The following SPATA33 variants were observed in gnomAD, a reference collection of about 807,000 sequenced individuals.
SPATA33 encodes spermatogenesis associated 33, also known as spermatogenesis-associated protein 33.
Under a neutral mutation model 8.9 loss-of-function variants are expected in SPATA33, and 10 were observed. The ratio of observed to expected loss-of-function variants is 1.12; its 90% CI spans 0.69 to 1.90. SPATA33 has a LOEUF of 1.90. SPATA33 is among the 40% of genes most tolerant of loss of function. The pLI, the probability that SPATA33 is intolerant of heterozygous loss-of-function variation, is 0.00. For missense variants in SPATA33, 241 were observed against 178.3 expected, an observed-to-expected ratio of 1.35 and a Z score of -2.00; for synonymous variants, 96 against 72.8, an observed-to-expected ratio of 1.32 and a Z score of -1.63.
chr16:89,668,005 G>A (rs2060049391), intron 2 of SPATA33: 1 of 152,280 alleles, frequency 6.6e-6, no homozygotes, highest in African/African-American at 2.4e-5. Context: ...CTCAGAACAG[G>A]CACGCGATAA....
intron 2 of SPATA33, among the ~76,000 whole-genome samples, chr16:89,663,132 A>C (rs374172543): frequency 6.6e-6 from 1 of 152,028 alleles, no homozygotes; most frequent in East Asian, 1.9e-4. Context: ...TAATTGCAAG[A>C]AAATTTTGAA....
Position 89,670,112 on chromosome 16 carries a change from C to G in SPATA33, c.*615C>G, listed in dbSNP as rs7197444. The G allele has an allele frequency of 0.016, 2,421 of 147,022 alleles. 42 individuals are homozygous for G. The highest frequency in any genetic ancestry group is 0.048 in the African/African-American group (1,820 of 38,122). 9.1% of individuals were successfully genotyped at this position (147,022 alleles called of 1,614,324 possible). A position where few individuals can be genotyped will look rare whatever the true frequency, so the allele number is the denominator to read the frequency against. On this transcript the variant is annotated 3_prime_UTR_variant, in exon 3 of 3. Transcript: ENST00000579310. ...TGCTTTCGGGGAGGGTACACCAGGC[C>G]CGCCCCACCCTGTGAGAAGCCGTGG...
At chr16:89,666,816 G>C (rs898892057) in intron 2 of SPATA33, among the ~76,000 whole-genome samples, 1 of 152,294 alleles carries the variant, frequency 6.6e-6, no homozygotes, top group South Asian at 2.1e-4. Context: ...CTGCCTGGCA[G>C]CCAAGGCAGA....
At chr16:89,659,360 G>A (rs1207156706) in intron 2 of SPATA33, 1 of 152,302 alleles carries the variant, frequency 6.6e-6, no homozygotes, top group Non-Finnish European at 1.5e-5. Flanking sequence ...AGGAGGAGGT[G>A]TTTTAAGTTT....
chr16:89,658,306 G>T lies in SPATA33; in HGVS notation c.96G>T (p.Met32Ile). The T allele has an allele frequency of 2.5e-6, 4 of 1,614,174 alleles. No individual in the cohort carries two copies. The highest frequency in any genetic ancestry group is 3.4e-6 in the Non-Finnish European group (4 of 1,180,048). Residue 32 changes from methionine to isoleucine, a missense_variant, in exon 2 of 3, where the codon ATG becomes ATT. Coordinates refer to ENST00000579310, the MANE Select transcript of SPATA33 (RefSeq NM_001271907.2). ...YSVPKSKEKLMEKHSQEARQA... is the reference protein window; with the variant it reads ...YSVPKSKEKLIEKHSQEARQA... ...TTCCAAAATCTAAGGAGAAGTTGAT[G>T]GAGAAGCATTCCCAGGAAGCCAGGC...
chr16:89,660,421 A>G (rs1388316978), intron 2 of SPATA33: 4 of 1,220,046 alleles, frequency 3.3e-6, no homozygotes, highest in Non-Finnish European at 4.1e-6. Context: ...GAAGGGCCCC[A>G]GCAGTGTCTG....
intron 2 of SPATA33, among the ~76,000 whole-genome samples, chr16:89,663,257 T>C (rs899060979): frequency 1.4e-5 from 2 of 147,318 alleles, no homozygotes; most frequent in Non-Finnish European, 3.0e-5. Flanking sequence ...TTTTTTTTTT[T>C]AGGCTGGAGT....
intron 2 of SPATA33, among the ~76,000 whole-genome samples, chr16:89,667,060 A>C (rs957529947): frequency 2.0e-5 from 3 of 152,032 alleles, no homozygotes; most frequent in Non-Finnish European, 4.4e-5. Flanking sequence ...GAGGTGGAGG[A>C]GCAGAGTTTT....
At chr16:89,667,548 A>G (rs2060042856) in intron 2 of SPATA33, among the ~76,000 whole-genome samples, 1 of 152,166 alleles carries the variant, frequency 6.6e-6, no homozygotes, top group South Asian at 2.1e-4. Flanking sequence ...TGGTGGTCCC[A>G]GCTACTTGGA....
At chr16:89,667,025 C>G (rs1451529367) in intron 2 of SPATA33, among the ~76,000 whole-genome samples, 2 of 152,198 alleles carry the variant, frequency 1.3e-5, no homozygotes, top group Non-Finnish European at 2.9e-5. Flanking sequence ...GCGGGCAAGC[C>G]TGACTGATGT....
At position 89,669,614 on chromosome 16, in the gene SPATA33, G is replaced by A. The variant is rs2151536364; in HGVS notation, c.*117G>A. The A allele has an allele frequency of 3.0e-6, 3 of 1,005,286 alleles. No individual in the cohort carries two copies. The highest frequency in any genetic ancestry group is 2.5e-5 in the Admixed American group (1 of 40,706). The allele number at this position is 1,005,286 out of a possible 1,614,324, so 62.3% of individuals were successfully genotyped here. On this transcript the variant is annotated 3_prime_UTR_variant, in exon 3 of 3. Transcript: ENST00000579310. The stretch of plus-strand genomic sequence containing the variant: ...AGTGCTCTCGGGGAGGTTGCACCAG[G>A]CCCACCCCACCCTGTGAGAAACTGC...
intron 2 of SPATA33, among the ~76,000 whole-genome samples, chr16:89,664,895 A>G (rs988420628): frequency 1.3e-5 from 2 of 152,232 alleles, no homozygotes; most frequent in Non-Finnish European, 1.5e-5. Context: ...GAATGCAGTA[A>G]GATGATAAGT....
chr16:89,657,802 A>C (rs1320285185), upstream of SPATA33: 2 of 1,485,466 alleles, frequency 1.3e-6, no homozygotes, highest in South Asian at 1.3e-5. Context: ...CGCGGTCGCC[A>C]TGGTGACGCA....
At chr16:89,657,809 C>A (rs751840485), upstream of SPATA33, 2 of 1,491,820 alleles carry the variant, frequency 1.3e-6, no homozygotes, top group South Asian at 1.3e-5. Context: ...GCCATGGTGA[C>A]GCACGCCGCT....
In SPATA33 at chr16:89,658,271, A is replaced by C; in HGVS notation, c.61A>C (p.Thr21Pro). Residue 21 changes from threonine to proline, a missense_variant, in exon 2 of 3, where the codon ACC becomes CCC. Thr to Pro is a conservative substitution (Grantham distance 38). Transcript: ENST00000579310. ...RKGEEQKKGS[T>P]YSVPKSKEKL... ...AGGTGAGGAGCAAAAGAAGGGATCC[A>C]CCTATTCAGTTCCAAAATCTAAGGA... The C allele has an allele frequency of 1.9e-6, 3 of 1,614,182 alleles. No homozygotes were observed. Among genetic ancestry groups the C allele is most frequent in the East Asian group, 4.5e-5 (2 of 44,884 alleles).
intron 2 of SPATA33, among the ~76,000 whole-genome samples, chr16:89,662,878 C>G (rs1302229947): frequency 6.6e-6 from 1 of 152,096 alleles, no homozygotes; most frequent in Non-Finnish European, 1.5e-5. Context: ...ATTGTGACTT[C>G]CGCCTCCCGG....
chr16:89,664,334 G>C (rs2059997519), intron 2 of SPATA33, among the ~76,000 whole-genome samples: 1 of 97,732 alleles, frequency 1.0e-5, no homozygotes, highest in Non-Finnish European at 2.1e-5. Context: ...AGGCGGTTTG[G>C]TAACAAGGTG....
chr16:89,661,084 A>G, intron 2 of SPATA33: 4 of 985,876 alleles, frequency 4.1e-6, no homozygotes, highest in Non-Finnish European at 4.8e-6. Context: ...AGAGAAAAGA[A>G]AATCGTTTTA....
rs369721470 is a variant in SPATA33 at position 89,660,790 on chromosome 16, C to G, written c.211+2369C>G. The G allele has an allele frequency of 1.6e-5, 17 of 1,040,024 alleles. No individual in the cohort carries two copies. In the African/African-American group the frequency reaches 2.1e-4, roughly 13 times the overall value. The allele number at this position is 1,040,024 out of a possible 1,614,324, so 64.4% of individuals were successfully genotyped here. A position where few individuals can be genotyped will look rare whatever the true frequency, so the allele number is the denominator to read the frequency against. ...GAGGGTGATGGAAATGGTTTTCGAC[C>G]TGAATCTGAACATGGGAAGCACTGC... On this transcript the variant is annotated intron_variant, in intron 2 of 2. Coordinates refer to ENST00000579310, the MANE Select transcript of SPATA33 (RefSeq NM_001271907.2).
Sources: gnomAD v4.1 joint callset for allele counts (sites outside exome capture counted in the v4.1 genomes callset) on GRCh38, gnomAD v4.1.1 for gene constraint, MANE v1.5 for transcripts, NCBI Gene and HGNC (gene_info 2026-07-23, HGNC 2026-07-21) for gene names.